RBM14: variants seen among roughly 807,000 people sequenced by gnomAD.
RBM14 encodes the protein RNA binding motif protein 14.
A neutral mutation model predicts 52.8 loss-of-function variants in RBM14; 5 were observed. That is an observed-to-expected ratio of 0.09 (90% CI 0.05 to 0.20). The LOEUF (loss-of-function observed/expected upper bound fraction) is 0.20. RBM14 is among the 10% of genes least tolerant of loss of function. The pLI, the probability that RBM14 is intolerant of heterozygous loss-of-function variation, is 1.00. For synonymous variants in RBM14, 411 were observed against 401.8 expected, an observed-to-expected ratio of 1.02 and a Z score of -0.28; for missense variants, 780 against 926.6, an observed-to-expected ratio of 0.84 and a Z score of 2.05.
chr11:66,626,097 G>A (rs1027714742), intron 2 of RBM14, among the ~76,000 whole-genome samples: 2 of 152,178 alleles, frequency 1.3e-5, no homozygotes, highest in Non-Finnish European at 1.5e-5. Flanking sequence ...TACGAGGTGC[G>A]TCCACTCTGG....
At chr11:66,620,673 C>T (rs1859065475) in intron 1 of RBM14, among the ~76,000 whole-genome samples, 1 of 152,126 alleles carries the variant, frequency 6.6e-6, no homozygotes, top group African/African-American at 2.4e-5. Flanking sequence ...TGTGAAATCT[C>T]AATTTTCAGA....
rs986770066 is a variant in RBM14 at position 66,628,462 on chromosome 11, C to A, written c.*1794C>A. 6.6e-6 allele frequency among the ~76,000 whole-genome samples: 1 copy of A among 152,092 alleles called. No homozygotes were observed. The highest frequency in any genetic ancestry group is 2.4e-5 in the African/African-American group (1 of 41,424). On this transcript the variant is annotated 3_prime_UTR_variant, in exon 3 of 3. Transcript: ENST00000310137. ...GCCCTAGATGTCCTCTTCCCTCTTG[C>A]CATCGTGCAAAAGCATTCGATCTTA...
chr11:66,620,755 A>G (rs2135009968), intron 1 of RBM14: 1 of 152,268 alleles, frequency 6.6e-6, no homozygotes, highest in South Asian at 2.1e-4. Context: ...TGCTCTTGTA[A>G]GCCCATGGAA....
rs1554967406 is a variant in RBM14 at position 66,624,607 on chromosome 11, C to T, written c.731C>T (p.Ser244Leu). ...ACCTACCGGGCCCAGCCGTCCGTGT[C>T]ACTGGGAGCTGCCTACAGGGCCCAG... ...PATYRAQPSV[S>L]LGAAYRAQPS... The change falls in exon 2 of 3, where the codon TCA becomes TTA. Residue 244 changes from serine to leucine, a missense_variant. This residue lies in a region of RBM14 where 675 missense variants were observed against 697.3 expected (regional missense o/e 0.97). Coordinates refer to ENST00000310137, the MANE Select transcript of RBM14 (RefSeq NM_006328.4). This position sits in a 1 kb window ranked among gnomAD's most constrained non-coding sequence, Gnocchi z 4.7. The T allele has an allele frequency of 1.9e-6, 3 of 1,612,466 alleles. No individual in the cohort carries two copies. Among genetic ancestry groups the T allele is most frequent in the South Asian group, 1.1e-5 (1 of 91,082 alleles).
At chr11:66,619,847 C>T (rs1859022456) in intron 1 of RBM14, among the ~76,000 whole-genome samples, 1 of 152,238 alleles carries the variant, frequency 6.6e-6, no homozygotes, top group African/African-American at 2.4e-5. Flanking sequence ...ATTACAGGCG[C>T]AAGCCACCGC....
intron 2 of RBM14, 25 bp from the exon 3 acceptor site, chr11:66,626,436 C>T (rs1175877288): frequency 6.3e-7 from 1 of 1,596,810 alleles, no homozygotes; most frequent in East Asian, 2.2e-5. Flanking sequence ...GTCTCATTCA[C>T]CAACTGTCTT....
At position 66,625,590 on chromosome 11, in the gene RBM14, A is replaced by G. The variant is rs868185369; in HGVS notation, c.1714A>G (p.Thr572Ala). ...GGGGGCCGTTGCCAACGCCAACAGCACCCCGCCGCCCTATGAGCGTACCCG... is the reference window on the plus strand; with the variant it reads ...GGGGGCCGTTGCCAACGCCAACAGCGCCCCGCCGCCCTATGAGCGTACCCG... Reference protein sequence around the residue: ...SQGAVANANSTPPPYERTRLS... With the variant: ...SQGAVANANSAPPPYERTRLS... The change falls in exon 2 of 3, where the codon ACC (threonine) becomes GCC (alanine). Residue 572 changes from threonine to alanine, a missense_variant. By Grantham distance (58) the Thr-to-Ala change is moderately conservative. Coordinates refer to ENST00000310137, the MANE Select transcript of RBM14 (RefSeq NM_006328.4). This position sits in a 1 kb window ranked among gnomAD's most constrained non-coding sequence, Gnocchi z 4.2. The G allele has an allele frequency of 1.9e-6, 3 of 1,605,480 alleles. No individual in the cohort carries two copies. The highest frequency in any genetic ancestry group is 2.2e-4 in the Middle Eastern group (1 of 4,554).
intron 1 of RBM14, chr11:66,617,631 C>G: frequency 1.1e-6 from 1 of 934,208 alleles, no homozygotes; most frequent in Non-Finnish European, 1.3e-6. Context: ...CACAGTTACA[C>G]GTGGGTACGA....
intron 1 of RBM14, chr11:66,617,332 G>A: frequency 1.6e-6 from 2 of 1,272,318 alleles, no homozygotes; most frequent in Non-Finnish European, 2.0e-6. Context: ...AGCCTTGCGA[G>A]TGTTCCGGGG....
rs1937700117 is a variant in RBM14 at position 66,624,605 on chromosome 11, G to A, written c.729G>A (p.Val243=). The change falls in exon 2 of 3, where the codon GTG becomes GTA. Residue 243 remains valine, a synonymous_variant. Coordinates refer to ENST00000310137, the MANE Select transcript of RBM14 (RefSeq NM_006328.4). The surrounding 1 kb of genome is among the most constrained non-coding windows in gnomAD (Gnocchi z 4.7). ...CTACCTACCGGGCCCAGCCGTCCGTGTCACTGGGAGCTGCCTACAGGGCCC... is the reference window on the plus strand; with the variant it reads ...CTACCTACCGGGCCCAGCCGTCCGTATCACTGGGAGCTGCCTACAGGGCCC... The part of the protein sequence containing the change: ...QPATYRAQPS[V]SLGAAYRAQP... 2.5e-6 allele frequency: 4 copies of A among 1,612,354 alleles called. No individual in the cohort carries two copies. The highest frequency in any genetic ancestry group is 3.4e-6 in the Non-Finnish European group (4 of 1,179,986).
rs894673850 is a variant in RBM14, at chr11:66,616,657, G to A, written c.-64G>A. ...TCCTGAGGAGGACTGCCGGTCGTTC[G>A]GACGTCTTGCCTGTCGCTGGAGGAG... is the stretch of plus-strand genomic sequence containing the variant. On this transcript the variant is annotated 5_prime_UTR_variant, in exon 1 of 3. Coordinates refer to ENST00000310137, the MANE Select transcript of RBM14 (RefSeq NM_006328.4). The A allele has an allele frequency of 6.6e-7, 1 of 1,504,960 alleles. No individual in the cohort carries two copies. The allele number at this position is 1,504,960 out of a possible 1,614,324, so 93.2% of individuals were successfully genotyped here. A position where few individuals can be genotyped will look rare whatever the true frequency, so the allele number is the denominator to read the frequency against.
intron 1 of RBM14, chr11:66,618,539 G>T: frequency 1.4e-6 from 1 of 717,434 alleles, no homozygotes; most frequent in Non-Finnish European, 2.6e-6. Flanking sequence ...TTTCCTGCTG[G>T]GTGCTCTGAG....
Position 66,625,021 on chromosome 11 carries a change from C to T in RBM14, c.1145C>T (p.Ala382Val). Reference sequence around the variant, plus strand: ...TTAGGCTCCTACGGGGCTCAGGCAGCCTCCTATGGGGCCCAGTCTGCAGCC... The same window carrying T: ...TTAGGCTCCTACGGGGCTCAGGCAGTCTCCTATGGGGCCCAGTCTGCAGCC... ...SSLGSYGAQA[A>V]SYGAQSAASS... Residue 382 changes from alanine to valine, a missense_variant, in exon 2 of 3, where the codon GCC becomes GTC. By Grantham distance (64) the Ala-to-Val change is moderately conservative. Transcript: ENST00000310137. This position sits in a 1 kb window ranked among gnomAD's most constrained non-coding sequence, Gnocchi z 4.2. The T allele has an allele frequency of 6.2e-7, 1 of 1,613,740 alleles. No individual in the cohort carries two copies. The highest frequency in any genetic ancestry group is 8.5e-7 in the Non-Finnish European group (1 of 1,179,732).
chr11:66,623,336 C>T (rs1346372087), intron 1 of RBM14, among the ~76,000 whole-genome samples: 1 of 152,164 alleles, frequency 6.6e-6, no homozygotes, highest in Non-Finnish European at 1.5e-5. Flanking sequence ...ATTCCCATAC[C>T]TCATTGGCTT....
chr11:66,624,116 T>C lies in RBM14; in HGVS notation c.338-98T>C. 6.5e-7 allele frequency: 1 copy of C among 1,538,808 alleles called. No individual in the cohort carries two copies. Among genetic ancestry groups the C allele is most frequent in the Non-Finnish European group, 8.8e-7 (1 of 1,141,844 alleles). ...AGGGTTTGGAGGCCTTGGAGGTAGCTGGCAACAGCTGGGTGCTGTTGTGTG... is the reference window on the plus strand; with the variant it reads ...AGGGTTTGGAGGCCTTGGAGGTAGCCGGCAACAGCTGGGTGCTGTTGTGTG... On this transcript the variant is annotated intron_variant, in intron 1 of 2. Transcript: ENST00000310137. This position sits in a 1 kb window ranked among gnomAD's most constrained non-coding sequence, Gnocchi z 4.7.
chr11:66,625,964 T>C lies in RBM14; in HGVS notation c.1802+286T>C, dbSNP rs138084225. ...TCATTGGAGCTACTGCCTGCAGGAC[T>C]GTGGCCCATATCCTTTCCCACTGTC... On this transcript the variant is annotated intron_variant, in intron 2 of 2. Coordinates refer to ENST00000310137, the MANE Select transcript of RBM14 (RefSeq NM_006328.4). This position sits in a 1 kb window ranked among gnomAD's most constrained non-coding sequence, Gnocchi z 4.2. 4.8e-3 allele frequency among the ~76,000 whole-genome samples: 734 copies of C among 152,322 alleles called. 6 individuals are homozygous for C. Among genetic ancestry groups the C allele is most frequent in the African/African-American group, 0.017 (698 of 41,576 alleles).
Position 66,624,695 on chromosome 11 carries a change from C to T in RBM14, c.819C>T (p.Tyr273=), listed in dbSNP as rs1456693187. 1 of 1,613,176 alleles carries T rather than the reference C, an allele frequency of 6.2e-7. No homozygotes were observed. The highest frequency in any genetic ancestry group is 1.3e-5 in the African/African-American group (1 of 74,700). ...TQPMTAQAAS[Y]RAQPSVSLGA... ...CCATGACAGCCCAGGCAGCCTCTTA[C>T]CGCGCTCAGCCCTCTGTCTCCCTTG... The change falls in exon 2 of 3, where the codon TAC becomes TAT. Residue 273 remains tyrosine, a synonymous_variant. Coordinates refer to ENST00000310137, the MANE Select transcript of RBM14 (RefSeq NM_006328.4). The surrounding 1 kb of genome is among the most constrained non-coding windows in gnomAD (Gnocchi z 4.7).
chr11:66,626,954 T>A lies in RBM14; in HGVS notation c.*286T>A. 1 of 321,788 alleles carries A rather than the reference T, an allele frequency of 3.1e-6. No homozygotes were observed. Among genetic ancestry groups the A allele is most frequent in the Non-Finnish European group, 5.7e-6 (1 of 176,776 alleles). 19.9% of individuals were successfully genotyped at this position (321,788 alleles called of 1,614,324 possible). A position where few individuals can be genotyped will look rare whatever the true frequency, so the allele number is the denominator to read the frequency against. ...TGGGAATTTCTTTTATGTTTTTATT[T>A]TTTTCCTGGCTCCCTTTTATTTTTG... On this transcript the variant is annotated 3_prime_UTR_variant, in exon 3 of 3. Coordinates refer to ENST00000310137, the MANE Select transcript of RBM14 (RefSeq NM_006328.4).
chr11:66,617,314 C>T, intron 1 of RBM14: 4 of 1,310,032 alleles, frequency 3.1e-6, no homozygotes, highest in Non-Finnish European at 3.9e-6. Context: ...GCCGGGGACG[C>T]GCCTGAGAGC....
Sources: gnomAD v4.1 joint callset for allele counts (sites outside exome capture counted in the v4.1 genomes callset) on GRCh38, gnomAD v4.1.1 for gene constraint, gnomAD v4.1.1 regional missense constraint, Gnocchi (gnomAD v3.1) non-coding constraint, MANE v1.5 for transcripts, NCBI Gene and HGNC (gene_info 2026-07-23, HGNC 2026-07-21) for gene names.